MDGA2: variants seen among roughly 807,000 people sequenced by gnomAD.
MDGA2 encodes the protein MAM domain-containing glycosylphosphatidylinositol anchor protein 2.
MDGA2 carries 40 observed loss-of-function variants against 117.8 expected under a neutral mutation model. The observed-to-expected ratio is 0.34, with a 90% CI of 0.26 to 0.44. The LOEUF (loss-of-function observed/expected upper bound fraction) is 0.44. Among genes scored for constraint, MDGA2 ranks in the 20% least tolerant of loss-of-function variants. MDGA2 has a pLI of 1.00. For missense variants in MDGA2, 1,123 were observed against 1,250.6 expected (o/e 0.90, Z 1.54); for synonymous variants, 452 against 439.0 (o/e 1.03, Z -0.37).
intron 1 of MDGA2, among the ~76,000 whole-genome samples, chr14:47,317,978 T>C (rs1015557880): frequency 6.6e-6 from 1 of 152,130 alleles, no homozygotes; most frequent in African/African-American, 2.4e-5. Flanking sequence ...CCTACATCAT[T>C]GAATGGCAAT....
chr14:47,597,393 C>T (rs1012366792), intron 1 of MDGA2, among the ~76,000 whole-genome samples: 4 of 151,872 alleles, frequency 2.6e-5, no homozygotes, highest in Non-Finnish European at 4.4e-5. Flanking sequence ...GTGACAATTT[C>T]CTGTATTTTT....
chr14:47,655,894 C>T (rs1316100573), intron 1 of MDGA2, among the ~76,000 whole-genome samples: 1 of 152,042 alleles, frequency 6.6e-6, no homozygotes, highest in African/African-American at 2.4e-5. Context: ...CCATATAATC[C>T]CACACATCCC....
intron 5 of MDGA2, among the ~76,000 whole-genome samples, chr14:47,100,915 C>A (rs1205516007): frequency 1.3e-5 from 2 of 152,060 alleles, no homozygotes; most frequent in Admixed American, 1.3e-4. Context: ...TGGTGCCAGT[C>A]AGAATACCAG....
chr14:47,012,309 A>G (rs1185794376), intron 8 of MDGA2, among the ~76,000 whole-genome samples: 2 of 152,126 alleles, frequency 1.3e-5, no homozygotes, highest in African/African-American at 2.4e-5. Context: ...CAGTTCAAAC[A>G]TACACTTCAG....
chr14:47,182,871 T>C (rs940864962), intron 3 of MDGA2, among the ~76,000 whole-genome samples: 3 of 152,212 alleles, frequency 2.0e-5, no homozygotes, highest in Non-Finnish European at 4.4e-5. Context: ...TTTATTCCAT[T>C]TGATATTTAA....
At chr14:47,597,051 A>G (rs1896556665) in intron 1 of MDGA2, among the ~76,000 whole-genome samples, 1 of 152,138 alleles carries the variant, frequency 6.6e-6, no homozygotes, top group African/African-American at 2.4e-5. Context: ...TACATTCAAA[A>G]TCCCATCAAA....
chr14:47,161,487 A>T (rs1883630729), intron 3 of MDGA2, among the ~76,000 whole-genome samples: 1 of 152,028 alleles, frequency 6.6e-6, no homozygotes, highest in East Asian at 1.9e-4. Context: ...AAATATTTAC[A>T]TATTAGAATG....
intron 1 of MDGA2, among the ~76,000 whole-genome samples, chr14:47,558,677 G>T (rs913903391): frequency 2.0e-5 from 3 of 152,074 alleles, no homozygotes; most frequent in African/African-American, 7.2e-5. Flanking sequence ...ACTGTTTCCT[G>T]CCAGTCAATG....
At chr14:47,388,007 C>T (rs1176293128) in intron 1 of MDGA2, among the ~76,000 whole-genome samples, 1 of 152,154 alleles carries the variant, frequency 6.6e-6, no homozygotes, top group Non-Finnish European at 1.5e-5. Flanking sequence ...TCCTCTGATC[C>T]TAATGTATGG....
intron 1 of MDGA2, among the ~76,000 whole-genome samples, chr14:47,447,982 G>C (rs922062492): frequency 3.3e-5 from 5 of 152,022 alleles, no homozygotes; most frequent in African/African-American, 1.2e-4. Context: ...GGTGATAAGA[G>C]TGTCTTTCAG....
intron 1 of MDGA2, among the ~76,000 whole-genome samples, chr14:47,435,392 T>C (rs1275477169): frequency 6.6e-6 from 1 of 152,094 alleles, no homozygotes; most frequent in Non-Finnish European, 1.5e-5. Flanking sequence ...TACCCATCAT[T>C]TCCTAAATAG....
intron 8 of MDGA2, among the ~76,000 whole-genome samples, chr14:47,022,897 G>A (rs1888335999): frequency 6.6e-6 from 1 of 152,158 alleles, no homozygotes; most frequent in Non-Finnish European, 1.5e-5. Flanking sequence ...CACAGGTGAT[G>A]AGTAGCCATA....
intron 1 of MDGA2, among the ~76,000 whole-genome samples, chr14:47,597,804 A>G (rs1896571558): frequency 6.6e-6 from 1 of 151,000 alleles, no homozygotes; most frequent in Non-Finnish European, 1.5e-5. Flanking sequence ...AATATATGGA[A>G]GATTCCTTAA....
At chr14:47,243,687 C>G (rs1887144352) in intron 2 of MDGA2, among the ~76,000 whole-genome samples, 1 of 151,554 alleles carries the variant, frequency 6.6e-6, no homozygotes, top group African/African-American at 2.4e-5. Context: ...CCGAACAGAT[C>G]TGAACATCAG....
At chr14:47,478,841 G>A (rs1481345764) in intron 1 of MDGA2, among the ~76,000 whole-genome samples, 1 of 152,190 alleles carries the variant, frequency 6.6e-6, no homozygotes, top group African/African-American at 2.4e-5. Context: ...ATGAGTGAAA[G>A]ACATGGCTTT....
intron 1 of MDGA2, among the ~76,000 whole-genome samples, chr14:47,658,941 T>C (rs1402552637): frequency 6.6e-6 from 1 of 152,188 alleles, no homozygotes; most frequent in South Asian, 2.1e-4. Flanking sequence ...ACCTTCTCCC[T>C]CTGCTCTTCC....
intron 1 of MDGA2, among the ~76,000 whole-genome samples, chr14:47,545,060 G>A (rs1895433679): frequency 6.6e-6 from 1 of 152,056 alleles, no homozygotes; most frequent in African/African-American, 2.4e-5. Flanking sequence ...ATTCAACTAT[G>A]CAACACCAAG....
intron 5 of MDGA2, among the ~76,000 whole-genome samples, chr14:47,110,625 G>A (rs761327450): frequency 6.6e-5 from 10 of 151,872 alleles, no homozygotes; most frequent in Admixed American, 1.3e-4. Flanking sequence ...TAGAAATTTT[G>A]GCTAACATTT....
At chr14:47,429,636 C>T (rs1892759340) in intron 1 of MDGA2, among the ~76,000 whole-genome samples, 1 of 152,098 alleles carries the variant, frequency 6.6e-6, no homozygotes, top group Non-Finnish European at 1.5e-5. Flanking sequence ...CTTGCTTTTT[C>T]ATGCAAATGC....
Sources: gnomAD v4.1 joint callset for allele counts (sites outside exome capture counted in the v4.1 genomes callset) on GRCh38, gnomAD v4.1.1 for gene constraint, MANE v1.5 for transcripts, NCBI Gene and HGNC (gene_info 2026-07-23, HGNC 2026-07-21) for gene names.